The following KIAA1549L variants were observed in gnomAD, a reference collection of about 807,000 sequenced individuals.
The protein encoded by KIAA1549L is UPF0606 protein KIAA1549L.
KIAA1549L carries 88 observed loss-of-function variants against 160.7 expected under a neutral mutation model. The observed-to-expected ratio is 0.55, with a 90% confidence interval of 0.46 to 0.65. KIAA1549L has a LOEUF of 0.65. Among genes scored for constraint, KIAA1549L ranks in the 30% least tolerant of loss-of-function variants. KIAA1549L has a pLI of 0.00. For missense variants in KIAA1549L, 2,258 were observed against 2,437.5 expected, an observed-to-expected ratio of 0.93 and a Z score of 1.55; for synonymous variants, 950 against 976.7, an observed-to-expected ratio of 0.97 and a Z score of 0.51.
In KIAA1549L at chr11:33,646,038, TA is replaced by T; in HGVS notation, c.5760+4del. 6.5e-7 allele frequency: 1 copy of T among 1,549,814 alleles called. No homozygotes were observed. The highest frequency in any genetic ancestry group is 8.7e-7 in the Non-Finnish European group (1 of 1,145,408). On this transcript the variant is annotated splice_donor_region_variant and intron_variant, in intron 17 of 20. Coordinates refer to ENST00000658780, the MANE Select transcript of KIAA1549L (RefSeq NM_012194.3). The stretch of plus-strand genomic sequence containing the variant: ...TATCAGTACAGTCTGCCCCGGCCGG[TA>T]AGTCATTCATTCCACCCACCTGCCA...
At chr11:33,617,644 T>C (rs777087851) in intron 15 of KIAA1549L, among the ~76,000 whole-genome samples, 1 of 152,228 alleles carries the variant, frequency 6.6e-6, no homozygotes, top group Non-Finnish European at 1.5e-5. Flanking sequence ...CACTCTGAAA[T>C]TACCATGTTA....
In KIAA1549L at chr11:33,668,675, T is replaced by C. The variant is rs534259423; in HGVS notation, c.*521T>C. ...AGACACTGACTCCAGCCAAGAAACC[T>C]GAGCCCCTTTTTTTTAGGTTCATAT... On this transcript the variant is annotated 3_prime_UTR_variant, in exon 21 of 21. Coordinates refer to ENST00000658780, the MANE Select transcript of KIAA1549L (RefSeq NM_012194.3). 40 of 155,956 alleles carry C rather than the reference T, an allele frequency of 2.6e-4. 1 individual carries two copies. The highest frequency in any genetic ancestry group is 1.1e-3 in the East Asian group (6 of 5,312). The allele number at this position is 155,956 out of a possible 1,614,324, so 9.7% of individuals were successfully genotyped here. A position where few individuals can be genotyped will look rare whatever the true frequency, so the allele number is the denominator to read the frequency against.
chr11:33,552,009 T>C, intron 5 of KIAA1549L, 99 bp from the exon 6 acceptor site: 1 of 1,338,980 alleles, frequency 7.5e-7, no homozygotes, highest in Non-Finnish European at 1.0e-6. Flanking sequence ...CTAATTCCTC[T>C]CATCTAAAAT....
intron 1 of KIAA1549L, among the ~76,000 whole-genome samples, chr11:33,483,260 C>A (rs1214226182): frequency 6.6e-6 from 1 of 152,104 alleles, no homozygotes; most frequent in Admixed American, 6.6e-5. Context: ...ATTCTCCTGT[C>A]AGTCCAGTAG....
intron 1 of KIAA1549L, among the ~76,000 whole-genome samples, chr11:33,444,745 A>G (rs1037802204): frequency 2.7e-5 from 4 of 147,800 alleles, no homozygotes; most frequent in Non-Finnish European, 4.6e-5. Flanking sequence ...CAAAAAAGAG[A>G]GAAATTCTCA....
intron 1 of KIAA1549L, among the ~76,000 whole-genome samples, chr11:33,383,995 A>G (rs1204119927): frequency 6.6e-6 from 1 of 152,222 alleles, no homozygotes; most frequent in Non-Finnish European, 1.5e-5. Flanking sequence ...ATTTACATAC[A>G]GTGAAATTCA....
At chr11:33,579,552 G>C (rs1011723930) in intron 10 of KIAA1549L, among the ~76,000 whole-genome samples, 1 of 151,806 alleles carries the variant, frequency 6.6e-6, no homozygotes, top group East Asian at 2.0e-4. Context: ...AGGAGATTCA[G>C]CTCCCACTTA....
chr11:33,459,877 C>T (rs1253224233), intron 1 of KIAA1549L, among the ~76,000 whole-genome samples: 11 of 138,964 alleles, frequency 7.9e-5, no homozygotes, highest in African/African-American at 2.7e-4. Context: ...AGGAGAATGG[C>T]GTGAACCCGG....
intron 4 of KIAA1549L, among the ~76,000 whole-genome samples, chr11:33,548,973 A>G (rs1854361664): frequency 6.6e-6 from 1 of 152,238 alleles, no homozygotes; most frequent in Non-Finnish European, 1.5e-5. Context: ...AAAGAAATGC[A>G]TTATATGAGA....
At chr11:33,583,296 A>G in intron 10 of KIAA1549L, 42 bp from the exon 11 acceptor site, 1 of 1,564,030 alleles carries the variant, frequency 6.4e-7, no homozygotes, top group Non-Finnish European at 8.7e-7. Context: ...TCCTCTTCCC[A>G]GTGTTGCTTG....
At chr11:33,503,661 T>C (rs1030769404) in intron 1 of KIAA1549L, among the ~76,000 whole-genome samples, 2 of 152,266 alleles carry the variant, frequency 1.3e-5, no homozygotes, top group Admixed American at 1.3e-4. Context: ...ATATTCCCAT[T>C]ATATAAAGTG....
intron 17 of KIAA1549L, among the ~76,000 whole-genome samples, chr11:33,647,814 T>C (rs1208852672): frequency 6.6e-6 from 1 of 151,644 alleles, no homozygotes; most frequent in Non-Finnish European, 1.5e-5. Flanking sequence ...CCATTGTGGG[T>C]CATATGATGA....
At chr11:33,408,399 GATATCTA>G (rs1403873783) in intron 1 of KIAA1549L, among the ~76,000 whole-genome samples, 3 of 151,168 alleles carry the variant, frequency 2.0e-5, no homozygotes, top group Non-Finnish European at 4.4e-5. Context: ...TGGATTCAGT[GATATCTA>G]ATATCTAATA....
intron 18 of KIAA1549L, among the ~76,000 whole-genome samples, chr11:33,657,903 C>T (rs1381575138): frequency 2.0e-5 from 3 of 152,246 alleles, no homozygotes; most frequent in Admixed American, 2.0e-4. Context: ...ACAGCCACTG[C>T]TTAGCTCAGA....
intron 11 of KIAA1549L, among the ~76,000 whole-genome samples, chr11:33,586,502 T>C (rs542087340): frequency 1.3e-5 from 2 of 152,310 alleles, no homozygotes; most frequent in South Asian, 4.2e-4. Context: ...TTCCCTTTAC[T>C]CTGTCATTGG....
intron 16 of KIAA1549L, among the ~76,000 whole-genome samples, chr11:33,636,161 G>A (rs960599901): frequency 6.6e-6 from 1 of 152,144 alleles, no homozygotes; most frequent in Admixed American, 6.5e-5. Context: ...GCATGCCAGT[G>A]CTTGTGTTCA....
At chr11:33,436,920 C>A (rs1195243776) in intron 1 of KIAA1549L, among the ~76,000 whole-genome samples, 1 of 152,142 alleles carries the variant, frequency 6.6e-6, no homozygotes, top group Non-Finnish European at 1.5e-5. Flanking sequence ...TGACACCAGC[C>A]CTAGACCCCC....
intron 1 of KIAA1549L, among the ~76,000 whole-genome samples, chr11:33,428,130 C>A (rs930251437): frequency 2.6e-5 from 4 of 152,122 alleles, no homozygotes; most frequent in Non-Finnish European, 5.9e-5. Context: ...TGGGTGCATA[C>A]CTAGGGGTGG....
rs532667594 is a variant in KIAA1549L at position 33,532,576 on chromosome 11, G to T, written c.239-9226G>T. On this transcript the variant is annotated intron_variant, in intron 1 of 20. Transcript: ENST00000658780. ...AGAGATGTTAAGTAACTTGTCCAAG[G>T]TTACTCAGTTAGCAAATGGAGAAGT... is the stretch of plus-strand genomic sequence containing the variant. Among the ~76,000 whole-genome samples the T allele has an allele frequency of 1.1e-3, 165 of 152,288 alleles. 6 individuals carry two copies. The South Asian group carries it at 0.031, about 29-fold the overall frequency.
Sources: gnomAD v4.1 joint callset for allele counts (sites outside exome capture counted in the v4.1 genomes callset) on GRCh38, gnomAD v4.1.1 for gene constraint, MANE v1.5 for transcripts, NCBI Gene and HGNC (gene_info 2026-07-23, HGNC 2026-07-21) for gene names.